SAMD12: variants seen among roughly 807,000 people sequenced by gnomAD.
SAMD12 encodes the protein sterile alpha motif domain containing 12.
A neutral mutation model predicts 15.0 loss-of-function variants in SAMD12; 9 were observed. The observed-to-expected ratio is 0.60, with a 90% confidence interval of 0.36 to 1.05. SAMD12 has a LOEUF of 1.05. Ranked by LOEUF, SAMD12 falls within the 50% of genes least tolerant of loss-of-function variation. The probability of loss-of-function intolerance (pLI) is 0.01; values close to 1 mark genes in which losing one functional copy is unlikely to be tolerated. For missense variants in SAMD12, 230 were observed against 234.2 expected, an observed-to-expected ratio of 0.98 and a Z score of 0.12; for synonymous variants, 86 against 90.1, an observed-to-expected ratio of 0.96 and a Z score of 0.25.
intron 4 of SAMD12, among the ~76,000 whole-genome samples, chr8:118,220,479 C>T (rs184756339): frequency 3.3e-5 from 5 of 152,092 alleles, no homozygotes; most frequent in African/African-American, 1.2e-4. Flanking sequence ...TTTAAAGAAA[C>T]GTACATTTTA....
intron 2 of SAMD12, among the ~76,000 whole-genome samples, chr8:118,442,136 A>C (rs1822782526): frequency 6.6e-6 from 1 of 152,180 alleles, no homozygotes; most frequent in Admixed American, 6.5e-5. Context: ...GTCTAATACC[A>C]CTAAGTTTTA....
At chr8:118,163,732 A>G in the SAMD12 span, among the ~76,000 whole-genome samples, 51 of 152,188 alleles carry the variant, frequency 3.4e-4, no homozygotes, top group Admixed American at 9.8e-4. Flanking sequence ...AAAATTAGCC[A>G]GGCGCGGTGG....
the SAMD12 span, among the ~76,000 whole-genome samples, chr8:118,164,005 T>C: frequency 1.6e-4 from 25 of 152,324 alleles, no homozygotes; most frequent in African/African-American, 5.1e-4. Context: ...AGGTTTCTCC[T>C]CCAACTTTAC....
At chr8:118,458,449 C>T (rs1823322307) in intron 2 of SAMD12, among the ~76,000 whole-genome samples, 1 of 152,126 alleles carries the variant, frequency 6.6e-6, no homozygotes, top group South Asian at 2.1e-4. Context: ...CTTCTTGACC[C>T]CTTTGATTTG....
chr8:118,352,375 G>C (rs1817999594), intron 4 of SAMD12, among the ~76,000 whole-genome samples: 1 of 151,774 alleles, frequency 6.6e-6, no homozygotes, highest in Non-Finnish European at 1.5e-5. Context: ...TATTAGGAAA[G>C]AATAAAACCG....
chr8:118,471,182 A>AT (rs139534185), intron 2 of SAMD12, among the ~76,000 whole-genome samples: 321 of 149,936 alleles, frequency 2.1e-3, no homozygotes, highest in African/African-American at 6.7e-3. Flanking sequence ...TGGTCACAGC[A>AT]TTTTTTTTTT....
At chr8:118,228,874 C>T (rs982610268) in intron 4 of SAMD12, among the ~76,000 whole-genome samples, 2 of 152,256 alleles carry the variant, frequency 1.3e-5, no homozygotes, top group South Asian at 2.1e-4. Flanking sequence ...ATTGCTAAAT[C>T]GCGGAACAAA....
intron 2 of SAMD12, among the ~76,000 whole-genome samples, chr8:118,484,928 C>T (rs1430108172): frequency 1.3e-5 from 2 of 152,030 alleles, no homozygotes; most frequent in African/African-American, 4.8e-5. Flanking sequence ...GTCAAGAAAC[C>T]CAATGATCCT....
chr8:118,386,717 C>G (rs1293649794), intron 3 of SAMD12, among the ~76,000 whole-genome samples: 1 of 152,216 alleles, frequency 6.6e-6, no homozygotes, highest in African/African-American at 2.4e-5. Context: ...CAAGCCCAGC[C>G]TGGTCTCTGG....
chr8:118,473,060 G>A (rs1823850552), intron 2 of SAMD12, among the ~76,000 whole-genome samples: 2 of 152,184 alleles, frequency 1.3e-5, no homozygotes, highest in African/African-American at 4.8e-5. Context: ...CCAATTGGAA[G>A]CACTGGCAGG....
intron 1 of SAMD12, among the ~76,000 whole-genome samples, chr8:118,620,108 G>A (rs1212695679): frequency 6.6e-6 from 1 of 152,092 alleles, no homozygotes. Flanking sequence ...TGGCTTCACT[G>A]GTGTAATCAC....
intron 2 of SAMD12, among the ~76,000 whole-genome samples, chr8:118,504,829 G>C (rs1301381953): frequency 1.3e-5 from 2 of 152,312 alleles, no homozygotes; most frequent in East Asian, 3.9e-4. Flanking sequence ...AACTAGAAGA[G>C]GCAAGGGACA....
chr8:118,155,946 C>T, the SAMD12 span, among the ~76,000 whole-genome samples: 340 of 152,290 alleles, frequency 2.2e-3, 1 homozygote, highest in Admixed American at 3.7e-3. Flanking sequence ...GAAGTAAATC[C>T]AAGCATTTCT....
chr8:118,211,974 C>T (rs1307335334), intron 4 of SAMD12, among the ~76,000 whole-genome samples: 1 of 152,116 alleles, frequency 6.6e-6, no homozygotes, highest in African/African-American at 2.4e-5. Flanking sequence ...AGCTTTGAGA[C>T]TGGTCAAGTT....
chr8:118,350,229 A>G (rs1045504055), intron 4 of SAMD12, among the ~76,000 whole-genome samples: 1 of 152,186 alleles, frequency 6.6e-6, no homozygotes, highest in South Asian at 2.1e-4. Flanking sequence ...CAGTAAGGCT[A>G]AGAAAAGAAA....
At chr8:118,540,675 A>T (rs1490676895) in intron 2 of SAMD12, among the ~76,000 whole-genome samples, 1 of 150,226 alleles carries the variant, frequency 6.7e-6, no homozygotes, top group Non-Finnish European at 1.5e-5. Context: ...TCTGCTCCTT[A>T]AGCCTGCACC....
chr8:118,568,264 A>G (rs1204962427), intron 2 of SAMD12, among the ~76,000 whole-genome samples: 1 of 152,216 alleles, frequency 6.6e-6, no homozygotes, highest in East Asian at 1.9e-4. Context: ...AGAAGATTCA[A>G]GGCAGAGGTA....
At chr8:118,260,632 A>G (rs937827133) in intron 4 of SAMD12, among the ~76,000 whole-genome samples, 1 of 152,016 alleles carries the variant, frequency 6.6e-6, no homozygotes, top group South Asian at 2.1e-4. Context: ...TCTACCTCCC[A>G]GTGGGGATTT....
intron 1 of SAMD12, among the ~76,000 whole-genome samples, chr8:118,613,801 A>C (rs770149980): frequency 5.3e-5 from 8 of 152,222 alleles, no homozygotes; most frequent in Non-Finnish European, 1.0e-4. Context: ...CTTTGCATAC[A>C]TATTGTATGG....
Sources: gnomAD v4.1 joint callset for allele counts (sites outside exome capture counted in the v4.1 genomes callset) on GRCh38, gnomAD v4.1.1 for gene constraint, MANE v1.5 for transcripts, NCBI Gene and HGNC (gene_info 2026-07-23, HGNC 2026-07-21) for gene names.